Variants in RANBP10 observed in about 807,000 individuals in gnomAD.
RANBP10 encodes the protein ran-binding protein 10.
Under a neutral mutation model 72.8 loss-of-function variants are expected in RANBP10, and 24 were observed. The observed-to-expected ratio is 0.33, with a 90% CI of 0.24 to 0.46. RANBP10 has a LOEUF of 0.46. RANBP10 is among the 20% of genes least tolerant of loss of function. RANBP10 has a pLI of 1.00. For missense variants in RANBP10, 679 were observed against 817.5 expected, an observed-to-expected ratio of 0.83 and a Z score of 2.07; for synonymous variants, 310 against 322.3, an observed-to-expected ratio of 0.96 and a Z score of 0.41.
At position 67,739,595 on chromosome 16, in the gene RANBP10, T is replaced by C. The variant is rs141755263; in HGVS notation, c.569-1560A>G. ...TGAGAACAGAAGTTCAAGACCAGCATGGGCAACATAGCGAGGCTCCGTCTC... is the reference window on the plus strand; with the variant it reads ...TGAGAACAGAAGTTCAAGACCAGCACGGGCAACATAGCGAGGCTCCGTCTC... On this transcript the variant is annotated intron_variant, in intron 4 of 13. Transcript: ENST00000317506. Among the ~76,000 whole-genome samples, 256 of 152,202 alleles carry C rather than the reference T, an allele frequency of 1.7e-3. 1 individual carries two copies. Among genetic ancestry groups the C allele is most frequent in the African/African-American group, 6.0e-3 (250 of 41,532 alleles).
chr16:67,788,306 G>T (rs1016690386), intron 2 of RANBP10, among the ~76,000 whole-genome samples: 7 of 152,132 alleles, frequency 4.6e-5, no homozygotes, highest in Admixed American at 2.0e-4. Flanking sequence ...AGGCTGGAGT[G>T]CAGTGGTGCG....
At chr16:67,746,108 A>G (rs1597850488) in intron 3 of RANBP10, among the ~76,000 whole-genome samples, 1 of 151,500 alleles carries the variant, frequency 6.6e-6, no homozygotes, top group Non-Finnish European at 1.5e-5. Context: ...GTGAGCCGAG[A>G]TCGCGCCATT....
At chr16:67,806,244 GC>G in intron 1 of RANBP10, 57 bp downstream of exon 1, 1 of 1,474,066 alleles carries the variant, frequency 6.8e-7, no homozygotes, top group Middle Eastern at 1.7e-4. Flanking sequence ...GGGCCTGGCA[GC>G]AGAGCCACCC....
chr16:67,734,004 A>G (rs1432189590), intron 6 of RANBP10, among the ~76,000 whole-genome samples: 1 of 152,156 alleles, frequency 6.6e-6, no homozygotes, highest in East Asian at 1.9e-4. Context: ...GCTGTGAACA[A>G]GAGGCAGCAA....
chr16:67,758,165 G>A (rs1851080794), intron 3 of RANBP10, among the ~76,000 whole-genome samples: 1 of 152,232 alleles, frequency 6.6e-6, no homozygotes, highest in Admixed American at 6.5e-5. Context: ...GGGCCAGGCT[G>A]GGTCTAGCTG....
intron 2 of RANBP10, among the ~76,000 whole-genome samples, chr16:67,792,152 T>G (rs1342782708): frequency 6.6e-6 from 1 of 151,914 alleles, no homozygotes; most frequent in Non-Finnish European, 1.5e-5. Flanking sequence ...TACCCGCCCC[T>G]GCCCCAGGAA....
intron 3 of RANBP10, among the ~76,000 whole-genome samples, chr16:67,749,609 AG>A (rs918554512): frequency 1.3e-5 from 2 of 152,224 alleles, no homozygotes; most frequent in African/African-American, 4.8e-5. Flanking sequence ...CAGGCCCAGC[AG>A]TGGGAGAGGC....
intron 2 of RANBP10, among the ~76,000 whole-genome samples, chr16:67,801,390 G>T (rs974261841): frequency 2.0e-5 from 3 of 152,140 alleles, no homozygotes; most frequent in Non-Finnish European, 4.4e-5. Flanking sequence ...GGGAAAGGCA[G>T]CAGCAGCATG....
At chr16:67,799,225 G>A (rs2055188417) in intron 2 of RANBP10, among the ~76,000 whole-genome samples, 1 of 151,266 alleles carries the variant, frequency 6.6e-6, no homozygotes, top group Non-Finnish European at 1.5e-5. Context: ...CATGAGCCAG[G>A]CCACACACAA....
At chr16:67,784,427 C>T (rs561565749) in intron 2 of RANBP10, among the ~76,000 whole-genome samples, 5 of 152,242 alleles carry the variant, frequency 3.3e-5, no homozygotes, top group East Asian at 1.9e-4. Flanking sequence ...GAGGCCAAGG[C>T]GGGAGGATCA....
chr16:67,740,401 G>A (rs2053945708), intron 4 of RANBP10, among the ~76,000 whole-genome samples: 1 of 152,060 alleles, frequency 6.6e-6, no homozygotes, highest in South Asian at 2.1e-4. Flanking sequence ...ATCATGCCCG[G>A]CAGATAAAGT....
chr16:67,805,125 T>C (rs1467229116), intron 2 of RANBP10, among the ~76,000 whole-genome samples: 2 of 152,180 alleles, frequency 1.3e-5, no homozygotes, highest in Admixed American at 6.6e-5. Context: ...CACATGCTCA[T>C]GAGGGAAACT....
chr16:67,742,840 G>A (rs867563286), intron 4 of RANBP10, among the ~76,000 whole-genome samples: 6 of 152,168 alleles, frequency 3.9e-5, no homozygotes, highest in East Asian at 1.9e-4. Context: ...AAGAAATAGC[G>A]GAATCAGAGT....
intron 2 of RANBP10, among the ~76,000 whole-genome samples, chr16:67,802,919 A>G (rs1376245842): frequency 6.6e-6 from 1 of 152,182 alleles, no homozygotes; most frequent in Non-Finnish European, 1.5e-5. Context: ...TCCCTTCTGA[A>G]GTTGGTCTCT....
At chr16:67,771,915 T>A (rs1278713422) in intron 3 of RANBP10, 119 bp downstream of exon 3, 3 of 1,165,666 alleles carry the variant, frequency 2.6e-6, no homozygotes, top group Non-Finnish European at 3.7e-6. Context: ...ACCAGTAGCA[T>A]GGCTTGAGGT....
intron 2 of RANBP10, among the ~76,000 whole-genome samples, chr16:67,795,549 A>C (rs1282971888): frequency 6.6e-6 from 1 of 151,658 alleles, no homozygotes; most frequent in East Asian, 2.0e-4. Flanking sequence ...CAAAATAAAC[A>C]AACAAATAAA....
At chr16:67,768,985 C>T (rs886486948) in intron 3 of RANBP10, among the ~76,000 whole-genome samples, 6 of 152,218 alleles carry the variant, frequency 3.9e-5, no homozygotes, top group Non-Finnish European at 8.8e-5. Flanking sequence ...GCAAATATTA[C>T]AAGTTTTTCT....
intron 2 of RANBP10, among the ~76,000 whole-genome samples, chr16:67,788,919 G>A (rs2054972417): frequency 6.6e-6 from 1 of 151,234 alleles, no homozygotes; most frequent in Non-Finnish European, 1.5e-5. Context: ...GGAATAGCTT[G>A]AACCGAGGTG....
At chr16:67,783,932 T>G (rs1434410648) in intron 2 of RANBP10, among the ~76,000 whole-genome samples, 1 of 151,376 alleles carries the variant, frequency 6.6e-6, no homozygotes, top group Non-Finnish European at 1.5e-5. Flanking sequence ...TAATCCCAGC[T>G]ACTCGGGAGA....
Sources: allele counts gnomAD v4.1 joint callset (sites outside exome capture counted in the v4.1 genomes callset), GRCh38; gene constraint gnomAD v4.1.1; transcripts MANE v1.5; gene names NCBI Gene and HGNC (gene_info 2026-07-23, HGNC 2026-07-21).